Variants in LPA observed in about 807,000 individuals in gnomAD.
The protein encoded by LPA is apolipoprotein(a).
Under a neutral mutation model 197.9 loss-of-function variants are expected in LPA, and 199 were observed. The ratio of observed to expected loss-of-function variants is 1.01; its 90% confidence interval spans 0.90 to 1.13. The LOEUF (loss-of-function observed/expected upper bound fraction) is 1.13, where lower values mean the gene tolerates loss of function less well. Among genes scored for constraint, LPA ranks in the 50% most tolerant of loss-of-function variants. The probability of loss-of-function intolerance (pLI) is 0.00; values close to 1 mark genes in which losing one functional copy is unlikely to be tolerated. For missense variants in LPA, 1,853 were observed against 1,785.8 expected (o/e 1.04, Z -0.68); for synonymous variants, 715 against 639.5 (o/e 1.12, Z -1.78).
chr6:160,650,763 C>T (rs1359617648), intron 1 of LPA, among the ~76,000 whole-genome samples: 1 of 152,150 alleles, frequency 6.6e-6, no homozygotes, highest in Non-Finnish European at 1.5e-5. Flanking sequence ...TGCTCATGTG[C>T]AAGCTCTTTT....
At position 160,547,941 on chromosome 6, in the gene LPA, T is replaced by C; in HGVS notation, c.5156-4A>G. The C allele has an allele frequency of 6.2e-7, 1 of 1,613,430 alleles. No individual in the cohort carries two copies. The highest frequency in any genetic ancestry group is 8.5e-7 in the Non-Finnish European group (1 of 1,179,854). The stretch of plus-strand genomic sequence containing the variant: ...TTCCCATTCCCAAACATACAGTCTG[T>C]AGAAAAAAATAAAAATAAAACAGAT... On this transcript the variant is annotated splice_region_variant and splice_polypyrimidine_tract_variant and intron_variant, in intron 31 of 38. Coordinates refer to ENST00000316300, the MANE Select transcript of LPA (RefSeq NM_005577.4).
At chr6:160,589,402 C>G (rs1778980138) in intron 24 of LPA, 151 bp downstream of exon 24, 2 of 885,420 alleles carry the variant, frequency 2.3e-6, no homozygotes, top group African/African-American at 1.7e-5. Context: ...CCTCTCAGAC[C>G]CTGTGCCCAA....
intron 1 of LPA, among the ~76,000 whole-genome samples, chr6:160,654,056 T>C (rs13191774): frequency 1.4e-4 from 1 of 6,938 alleles, no homozygotes; most frequent in Non-Finnish European, 2.4e-4. Flanking sequence ...ATATAATATA[T>C]TATATATATT....
chr6:160,531,991 T>C (rs751414334), intron 38 of LPA, 101 bp from the exon 39 acceptor site: 136 of 1,370,758 alleles, frequency 9.9e-5, no homozygotes, highest in Non-Finnish European at 1.3e-4. Flanking sequence ...TTCCCAGTAA[T>C]TCAAATCAGA....
At chr6:160,592,607 T>C (rs905233824) in intron 22 of LPA, among the ~76,000 whole-genome samples, 1 of 152,246 alleles carries the variant, frequency 6.6e-6, no homozygotes, top group African/African-American at 2.4e-5. Context: ...AATTTTTAAA[T>C]GCAAGTTGCA....
intron 1 of LPA, among the ~76,000 whole-genome samples, chr6:160,654,726 T>G (rs1314326580): frequency 3.3e-5 from 5 of 152,184 alleles, no homozygotes; most frequent in African/African-American, 1.2e-4. Context: ...AATGCTGATG[T>G]GAAGTCCATA....
chr6:160,635,009 T>C, intron 7 of LPA, 114 bp downstream of exon 7: 1 of 1,507,978 alleles, frequency 6.6e-7, no homozygotes, highest in Non-Finnish European at 9.1e-7. Flanking sequence ...ATGGCAGAAC[T>C]CCGGCAACAC....
chr6:160,573,419 C>T (rs1426657648), intron 28 of LPA, among the ~76,000 whole-genome samples: 1 of 151,934 alleles, frequency 6.6e-6, no homozygotes, highest in Non-Finnish European at 1.5e-5. Flanking sequence ...AATAACTAAC[C>T]TCCTGAATTC....
chr6:160,562,051 A>AC lies in LPA; in HGVS notation c.4632-4481dup, dbSNP rs529746274. 2.3e-3 allele frequency among the ~76,000 whole-genome samples: 343 copies of AC among 152,216 alleles called. 1 individual carries two copies. The highest frequency in any genetic ancestry group is 7.9e-3 in the African/African-American group (327 of 41,536). On this transcript the variant is annotated intron_variant, in intron 28 of 38. Transcript: ENST00000316300. Reference sequence around the variant, plus strand: ...TGACTCCCTCTCTTCCCACTTGAATACCTTTATTTCTTTCTCTTGCCTGAT... The same window carrying AC: ...TGACTCCCTCTCTTCCCACTTGAATACCCTTTATTTCTTTCTCTTGCCTGAT...
intron 21 of LPA, 93 bp from the exon 22 acceptor site, chr6:160,594,210 G>C: frequency 1.3e-6 from 2 of 1,485,510 alleles, no homozygotes; most frequent in South Asian, 1.1e-5. Flanking sequence ...CATTGTCTCT[G>C]AGAAAGACTA....
intron 28 of LPA, among the ~76,000 whole-genome samples, chr6:160,572,816 T>A (rs1004183536): frequency 2.0e-5 from 3 of 152,220 alleles, no homozygotes; most frequent in African/African-American, 7.2e-5. Context: ...TACCTGGTGC[T>A]TCTGTCTCAC....
Position 160,650,503 on chromosome 6 carries a change from A to G in LPA, c.50-6T>C. ...ATGGCTTTGCTCAGGTGCTGCTAAA[A>G]TTAAAACAGAAGAAATCAAGCTGAA... On this transcript the variant is annotated splice_region_variant and splice_polypyrimidine_tract_variant and intron_variant, in intron 1 of 38. Transcript: ENST00000316300. 1 of 1,613,242 alleles carries G rather than the reference A, an allele frequency of 6.2e-7. No homozygotes were observed.
chr6:160,594,258 C>G, intron 21 of LPA, 141 bp from the exon 22 acceptor site: 3 of 982,510 alleles, frequency 3.1e-6, no homozygotes, highest in South Asian at 1.6e-5. Flanking sequence ...GATGGACATA[C>G]CAATAATAAA....
At chr6:160,594,798 G>C (rs535926297) in intron 21 of LPA, among the ~76,000 whole-genome samples, 57 of 152,294 alleles carry the variant, frequency 3.7e-4, no homozygotes, top group Middle Eastern at 6.8e-3. Context: ...TCCCATCAAA[G>C]CCTAGTTGTG....
At chr6:160,581,390 C>T (rs1778799125) in intron 26 of LPA, among the ~76,000 whole-genome samples, 1 of 152,152 alleles carries the variant, frequency 6.6e-6, no homozygotes, top group Admixed American at 6.6e-5. Context: ...GCCTCCACCT[C>T]ATGGGCTCCA....
At position 160,586,570 on chromosome 6, in the gene LPA, G is replaced by T; in HGVS notation, c.4008C>A (p.Thr1336=). 1 of 1,613,756 alleles carries T rather than the reference G, an allele frequency of 6.2e-7. No individual in the cohort carries two copies. The highest frequency in any genetic ancestry group is 8.5e-7 in the Non-Finnish European group (1 of 1,179,798). Reference sequence around the variant, plus strand: ...ACTCCCATCTGACACTGGGATCCATGGTATAACACCAAGGGCGAATCTCAG... The same window carrying T: ...ACTCCCATCTGACACTGGGATCCATTGTATAACACCAAGGGCGAATCTCAG... ...PDAEIRPWCY[T]MDPSVRWEYC... is the part of the protein sequence containing the mutation. Residue 1336 remains threonine, a synonymous_variant, in exon 25 of 39, where the codon ACC becomes ACA. Coordinates refer to ENST00000316300, the MANE Select transcript of LPA (RefSeq NM_005577.4).
chr6:160,556,715 C>T (rs1383453099), intron 29 of LPA, among the ~76,000 whole-genome samples: 1 of 152,048 alleles, frequency 6.6e-6, no homozygotes, highest in Non-Finnish European at 1.5e-5. Flanking sequence ...ATCTTATTCC[C>T]TTACAGTAGA....
chr6:160,568,139 T>A (rs577515049), intron 28 of LPA, among the ~76,000 whole-genome samples: 1 of 152,336 alleles, frequency 6.6e-6, no homozygotes, highest in East Asian at 1.9e-4. Flanking sequence ...ACTCATTTTA[T>A]GAGGCCAGCA....
chr6:160,593,916 AG>A, intron 22 of LPA, 41 bp downstream of exon 22: 1 of 1,610,292 alleles, frequency 6.2e-7, no homozygotes, highest in Non-Finnish European at 8.5e-7. Context: ...GAGAAATGTA[AG>A]GGGGCTGCTG....
Sources: gnomAD v4.1 joint callset for allele counts (sites outside exome capture counted in the v4.1 genomes callset) on GRCh38, gnomAD v4.1.1 for gene constraint, MANE v1.5 for transcripts, NCBI Gene and HGNC (gene_info 2026-07-23, HGNC 2026-07-21) for gene names.